The following ZC3H12B variants were observed in gnomAD, a reference collection of about 807,000 sequenced individuals.
ZC3H12B encodes the protein probable ribonuclease ZC3H12B.
ZC3H12B carries 7 observed loss-of-function variants against 43.9 expected under a neutral mutation model. The observed-to-expected ratio is 0.16, with a 90% CI of 0.09 to 0.30. ZC3H12B has a LOEUF of 0.30. ZC3H12B is among the 10% of genes least tolerant of loss of function. The pLI is 1.00. For missense variants in ZC3H12B, 475 were observed against 670.2 expected (o/e 0.71, Z 3.22); for synonymous variants, 222 against 241.7 (o/e 0.92, Z 0.76).
chrX:65,162,990 A>G, the ZC3H12B span, among the ~76,000 whole-genome samples: 1 of 112,231 alleles, frequency 8.9e-6, no homozygotes, highest in African/African-American at 3.2e-5. Context: ...GTAACAGACA[A>G]GACCTTCAGC....
the ZC3H12B span, among the ~76,000 whole-genome samples, chrX:65,317,753 G>T: frequency 9.7e-6 from 1 of 102,736 alleles, no homozygotes; most frequent in African/African-American, 3.5e-5. Context: ...TTGTGTGTGT[G>T]TGTATACACA....
chrX:65,271,063 G>T, the ZC3H12B span: 1 of 112,752 alleles, frequency 8.9e-6, no homozygotes, highest in East Asian at 2.8e-4. Context: ...AATAGAAAAG[G>T]TGATATGACC....
chrX:65,075,799 C>G, the ZC3H12B span, among the ~76,000 whole-genome samples: 1 of 111,810 alleles, frequency 8.9e-6, no homozygotes, highest in Non-Finnish European at 1.9e-5. Context: ...CCTAAAAAGT[C>G]TTCATGTTGG....
chrX:65,104,740 A>G, the ZC3H12B span, among the ~76,000 whole-genome samples: 1 of 111,923 alleles, frequency 8.9e-6, no homozygotes, highest in Non-Finnish European at 1.9e-5. Context: ...GTGATCATTA[A>G]AAGTCTGGAA....
At chrX:65,360,565 G>C in the ZC3H12B span, among the ~76,000 whole-genome samples, 1 of 111,981 alleles carries the variant, frequency 8.9e-6, no homozygotes, top group African/African-American at 3.2e-5. Flanking sequence ...CAAGGATATA[G>C]AGCAATTAGA....
chrX:65,454,173 A>C (rs2067567538), intron 3 of ZC3H12B, among the ~76,000 whole-genome samples: 2 of 112,738 alleles, frequency 1.8e-5, no homozygotes, highest in Admixed American at 1.9e-4. Context: ...ACCAAGCCTG[A>C]GCTGAAGCAG....
the ZC3H12B span, among the ~76,000 whole-genome samples, chrX:65,236,873 T>A: frequency 8.9e-6 from 1 of 111,956 alleles, no homozygotes; most frequent in Non-Finnish European, 1.9e-5. Context: ...GTTGTTTTAT[T>A]TCTGAGTTCT....
intron 3 of ZC3H12B, among the ~76,000 whole-genome samples, chrX:65,455,920 C>A (rs1317432743): frequency 9.0e-6 from 1 of 111,625 alleles, no homozygotes; most frequent in Non-Finnish European, 1.9e-5. Context: ...TACAGACAAG[C>A]AAATGCTGAG....
At chrX:65,420,736 C>T (rs1348024338) in intron 3 of ZC3H12B, among the ~76,000 whole-genome samples, 1 of 110,757 alleles carries the variant, frequency 9.0e-6, no homozygotes. Context: ...TTAGAAGTTC[C>T]ATAAATAAAT....
At chrX:65,443,355 C>G (rs895377509) in intron 3 of ZC3H12B, among the ~76,000 whole-genome samples, 13 of 110,834 alleles carry the variant, frequency 1.2e-4, no homozygotes, top group African/African-American at 4.3e-4. Context: ...GAGACCAGCT[C>G]GGCTGGGGAG....
the ZC3H12B span, among the ~76,000 whole-genome samples, chrX:65,294,081 A>C: frequency 9.0e-6 from 1 of 111,506 alleles, no homozygotes; most frequent in Non-Finnish European, 1.9e-5. Flanking sequence ...AGATGAAGGA[A>C]AGAATCTTAA....
At chrX:65,388,888 T>C (rs2066569759) in intron 2 of ZC3H12B, among the ~76,000 whole-genome samples, 1 of 112,052 alleles carries the variant, frequency 8.9e-6, no homozygotes. Context: ...TCTGTTGCAG[T>C]TTGGCAGAGG....
intron 3 of ZC3H12B, among the ~76,000 whole-genome samples, chrX:65,453,567 C>T (rs1188821931): frequency 2.9e-5 from 3 of 105,071 alleles, no homozygotes; most frequent in African/African-American, 1.0e-4. Flanking sequence ...CCAAAAAATA[C>T]AAAAATCATC....
At chrX:65,258,228 C>T in the ZC3H12B span, among the ~76,000 whole-genome samples, 1 of 111,975 alleles carries the variant, frequency 8.9e-6, no homozygotes, top group South Asian at 3.7e-4. Flanking sequence ...CACAATCAAG[C>T]AGGCTTTTTG....
At chrX:65,316,394 C>A in the ZC3H12B span, among the ~76,000 whole-genome samples, 3 of 111,462 alleles carry the variant, frequency 2.7e-5, no homozygotes, top group Non-Finnish European at 5.7e-5. Context: ...ATTTTAAAGG[C>A]ACCTAGAGGG....
chrX:65,116,963 T>G, the ZC3H12B span, among the ~76,000 whole-genome samples: 1 of 112,179 alleles, frequency 8.9e-6, no homozygotes, highest in Non-Finnish European at 1.9e-5. Flanking sequence ...TGATCATTGT[T>G]GGACATTTGG....
chrX:65,158,487 C>T, the ZC3H12B span, among the ~76,000 whole-genome samples: 60 of 112,051 alleles, frequency 5.4e-4, no homozygotes, highest in Middle Eastern at 4.6e-3. Flanking sequence ...GATGGTATGT[C>T]ATTGTGGTTT....
chrX:65,119,249 A>C, the ZC3H12B span, among the ~76,000 whole-genome samples: 1 of 111,549 alleles, frequency 9.0e-6, no homozygotes, highest in African/African-American at 3.3e-5. Flanking sequence ...GAGTTGAACT[A>C]GTTTACAGTC....
chrX:65,434,760 T>G (rs182720838), intron 3 of ZC3H12B, among the ~76,000 whole-genome samples: 1 of 110,818 alleles, frequency 9.0e-6, no homozygotes, highest in Non-Finnish European at 1.9e-5. Flanking sequence ...AGAAGGGTAG[T>G]GGGTGAGTCC....
Sources: gnomAD v4.1 joint callset for allele counts (sites outside exome capture counted in the v4.1 genomes callset) on GRCh38, gnomAD v4.1.1 for gene constraint, MANE v1.5 for transcripts, NCBI Gene and HGNC (gene_info 2026-07-23, HGNC 2026-07-21) for gene names.